The following PAX7 variants were observed in gnomAD, a reference collection of about 807,000 sequenced individuals.
PAX7 encodes the protein paired box 7, also known as paired box protein Pax-7.
A neutral mutation model predicts 50.7 loss-of-function variants in PAX7; 18 were observed. That is an observed-to-expected ratio of 0.36 (90% CI 0.25 to 0.53). PAX7 has a LOEUF of 0.53. Among genes scored for constraint, PAX7 ranks in the 20% least tolerant of loss-of-function variants. The probability of loss-of-function intolerance (pLI) is 0.93; values close to 1 mark genes in which losing one functional copy is unlikely to be tolerated. For missense variants in PAX7, 644 were observed against 702.9 expected (o/e 0.92, Z 0.95); for synonymous variants, 310 against 290.4 (o/e 1.07, Z -0.69).
At position 18,700,807 on chromosome 1, in the gene PAX7, C is replaced by CCAT. The variant is rs1296817667; in HGVS notation, c.943_945dup (p.Ile315dup). 5 of 1,538,508 alleles carry CCAT rather than the reference C, an allele frequency of 3.2e-6. No individual in the cohort carries two copies. Among genetic ancestry groups the CCAT allele is most frequent in the Non-Finnish European group, 4.4e-6 (5 of 1,140,922 alleles). On this transcript the variant is annotated inframe_insertion, in exon 6 of 9. Transcript: ENST00000420770. This position sits in a 1 kb window ranked among gnomAD's most constrained non-coding sequence, Gnocchi z 4.8. The stretch of plus-strand genomic sequence containing the variant: ...CCGGACTCCACCTACCCCACCACCA[C>CCAT]CATCTCCCAAGGTGAGTGTCTTGGC...
intron 4 of PAX7, among the ~76,000 whole-genome samples, chr1:18,643,569 C>T (rs540236143): frequency 1.4e-4 from 21 of 152,118 alleles, no homozygotes; most frequent in Non-Finnish European, 2.9e-4. Context: ...CTGGGACAGG[C>T]GGATCAGGAG....
At position 18,744,830 on chromosome 1, in the gene PAX7, G is replaced by T. The variant is rs1446205100; in HGVS notation, c.1419G>T (p.Leu473=). 7 of 1,553,870 alleles carry T rather than the reference G, an allele frequency of 4.5e-6. No homozygotes were observed. In the Admixed American group the frequency reaches 9.7e-5, roughly 22 times the overall value. ...GQYGQTAVDY[L]AKNVSLSTQR... is the part of the protein sequence containing the mutation. ...TTTTTCCAGCTGCTGTTGATTATCT[G>T]GCCAAAAATGTGAGCCTCTCCACCC... Residue 473 remains leucine, a synonymous_variant, in exon 9 of 9, where the codon CTG becomes CTT. Transcript: ENST00000420770.
intron 7 of PAX7, among the ~76,000 whole-genome samples, chr1:18,704,315 G>A (rs1038798346): frequency 6.6e-6 from 1 of 152,196 alleles, no homozygotes; most frequent in Non-Finnish European, 1.5e-5. Context: ...GCAGAATTGA[G>A]TAGTTTTAAA....
At chr1:18,677,006 ACAGC>A (rs551458774) in intron 4 of PAX7, among the ~76,000 whole-genome samples, 223 of 152,282 alleles carry the variant, frequency 1.5e-3, no homozygotes, top group African/African-American at 5.2e-3. Context: ...CCTCGTCTTT[ACAGC>A]CAGCCCACGG....
At chr1:18,671,525 G>A (rs561025256) in intron 4 of PAX7, among the ~76,000 whole-genome samples, 1 of 152,312 alleles carries the variant, frequency 6.6e-6, no homozygotes, top group African/African-American at 2.4e-5. Context: ...GGTGGGAGGA[G>A]GGTGTGATGG....
At position 18,634,375 on chromosome 1, in the gene PAX7, A is replaced by G. The variant is rs1347061851; in HGVS notation, c.158A>G (p.Asn53Ser). The change falls in exon 2 of 9, where the codon AAC becomes AGC. Residue 53 changes from asparagine to serine, a missense_variant. By Grantham distance (46) the Asn-to-Ser change is conservative. Transcript: ENST00000420770. The surrounding 1 kb of genome is among the most constrained non-coding windows in gnomAD (Gnocchi z 4.0). ...TTCATCAATGGGCGACCCCTGCCTA[A>G]CCACATCCGCCACAAGATAGTGGAG... Reference protein sequence around the residue: ...GVFINGRPLPNHIRHKIVEMA... With the variant: ...GVFINGRPLPSHIRHKIVEMA... The G allele has an allele frequency of 5.0e-6, 8 of 1,614,064 alleles. No individual in the cohort carries two copies. Among genetic ancestry groups the G allele is most frequent in the Non-Finnish European group, 6.8e-6 (8 of 1,180,028 alleles).
intron 3 of PAX7, 148 bp downstream of exon 3, chr1:18,635,388 G>A: frequency 1.2e-6 from 1 of 818,696 alleles, no homozygotes; most frequent in Non-Finnish European, 1.8e-6. Flanking sequence ...CAGAAAGGCA[G>A]AGTTAAGGCA....
rs57227966 is a variant in PAX7 at position 18,744,862 on chromosome 1, G to C, written c.1451G>C (p.Arg484Pro). Residue 484 changes from arginine (R) to proline (P), a missense_variant, in exon 9 of 9, where the codon CGC becomes CCC. By Grantham distance (103) the Arg-to-Pro change is moderately radical. Transcript: ENST00000420770. Reference sequence around the variant, plus strand: ...AATGTGAGCCTCTCCACCCAGCGTCGCATGAAGCTCGGGGAGCACTCTGCT... The same window carrying C: ...AATGTGAGCCTCTCCACCCAGCGTCCCATGAAGCTCGGGGAGCACTCTGCT... ...AKNVSLSTQR[R>P]MKLGEHSAVL... The C allele has an allele frequency of 1.9e-6, 3 of 1,558,472 alleles. No homozygotes were observed. The highest frequency in any genetic ancestry group is 2.6e-6 in the Non-Finnish European group (3 of 1,150,850).
rs991017117 is a variant in PAX7, at chr1:18,690,385, C to T, written c.587-1369C>T. On this transcript the variant is annotated intron_variant, in intron 4 of 8. Coordinates refer to ENST00000420770, the MANE Select transcript of PAX7 (RefSeq NM_001135254.2). ...TCTGCTTCCTCTTCTCTATGCTTCC[C>T]GCAGCTCCCCAGGGGCTGCTGAGGG... 2.6e-5 allele frequency among the ~76,000 whole-genome samples: 4 copies of T among 152,228 alleles called. No individual in the cohort carries two copies. In the South Asian group the frequency reaches 6.2e-4, roughly 24 times the overall value.
At chr1:18,695,231 A>C (rs1570182705) in intron 5 of PAX7, among the ~76,000 whole-genome samples, 1 of 151,692 alleles carries the variant, frequency 6.6e-6, no homozygotes, top group East Asian at 1.9e-4. Flanking sequence ...AAAAAAAAAG[A>C]GGAAGTACCT....
chr1:18,659,088 GTGTGTGACA>G (rs2088564558), intron 4 of PAX7, among the ~76,000 whole-genome samples: 1 of 150,440 alleles, frequency 6.6e-6, no homozygotes, highest in Non-Finnish European at 1.5e-5. Flanking sequence ...ACATAAGCAT[GTGTGTGACA>G]TGTGTGTGTA....
At chr1:18,731,567 A>G (rs2089647631) in intron 7 of PAX7, among the ~76,000 whole-genome samples, 1 of 152,054 alleles carries the variant, frequency 6.6e-6, no homozygotes. Flanking sequence ...TATATGACTC[A>G]GGCCTTGTGG....
At position 18,740,158 on chromosome 1, in the gene PAX7, C is replaced by T. The variant is rs958475098; in HGVS notation, c.1402+4280C>T. Among the ~76,000 whole-genome samples the T allele has an allele frequency of 3.7e-4, 56 of 152,156 alleles. 1 individual carries two copies. Among genetic ancestry groups the T allele is most frequent in the Non-Finnish European group, 6.8e-4 (46 of 68,016 alleles). ...ACAGAGGGACAGGGAGGGCCGTTGA[C>T]GGAGGCCATAATAAGAGATGTCACA... On this transcript the variant is annotated intron_variant, in intron 8 of 8. Transcript: ENST00000420770.
In PAX7 at chr1:18,735,655, C is replaced by T. The variant is rs1446445174; in HGVS notation, c.1179C>T (p.Pro393=). 2 of 1,613,718 alleles carry T rather than the reference C, an allele frequency of 1.2e-6. No homozygotes were observed. The highest frequency in any genetic ancestry group is 2.7e-5 in the African/African-American group (2 of 75,056). Residue 393 remains proline, a synonymous_variant, in exon 8 of 9, where the codon CCC becomes CCT. Coordinates refer to ENST00000420770, the MANE Select transcript of PAX7 (RefSeq NM_001135254.2). The surrounding 1 kb of genome is among the most constrained non-coding windows in gnomAD (Gnocchi z 4.0). ...SPQVMSILGN[P]SAVPPQPQAD... is the part of the protein sequence containing the mutation. ...AGGTGATGAGCATCTTGGGCAACCC[C>T]AGTGCGGTGCCCCCGCAGCCACAGG...
chr1:18,675,981 G>T (rs530968485), intron 4 of PAX7, among the ~76,000 whole-genome samples: 4 of 152,268 alleles, frequency 2.6e-5, no homozygotes, highest in East Asian at 3.9e-4. Context: ...GCCGGGGTCC[G>T]CTCAGGACCA....
intron 7 of PAX7, among the ~76,000 whole-genome samples, chr1:18,708,070 G>A (rs1476346868): frequency 3.3e-5 from 5 of 152,140 alleles, no homozygotes; most frequent in African/African-American, 1.2e-4. Flanking sequence ...TAGGCACTCA[G>A]CACATGCATG....
chr1:18,748,264 A>G lies in PAX7; in HGVS notation c.*3335A>G, dbSNP rs1435741106. On this transcript the variant is annotated 3_prime_UTR_variant, in exon 9 of 9. Transcript: ENST00000420770. Reference sequence around the variant, plus strand: ...CAGTGTTTCAAGATGGAGTTGGTGAAGCATCCAAGATTTTGGATCCTGGGC... The same window carrying G: ...CAGTGTTTCAAGATGGAGTTGGTGAGGCATCCAAGATTTTGGATCCTGGGC... 1.3e-5 allele frequency: 3 copies of G among 227,478 alleles called. No individual in the cohort carries two copies. The highest frequency in any genetic ancestry group is 2.6e-5 in the Non-Finnish European group (3 of 114,540). 14.1% of individuals were successfully genotyped at this position (227,478 alleles called of 1,614,324 possible).
Position 18,632,492 on chromosome 1 carries a change from G to A in PAX7, c.85+804G>A, listed in dbSNP as rs1444217619. 6.6e-6 allele frequency among the ~76,000 whole-genome samples: 1 copy of A among 152,164 alleles called. No individual in the cohort carries two copies. The highest frequency in any genetic ancestry group is 2.4e-5 in the African/African-American group (1 of 41,428). ...CGGGTCCTGGCTGGAGAAAAGGCTG[G>A]GAGCGCACAGCGGAGAGACCCGCTC... On this transcript the variant is annotated intron_variant, in intron 1 of 8. Coordinates refer to ENST00000420770, the MANE Select transcript of PAX7 (RefSeq NM_001135254.2). This position sits in a 1 kb window ranked among gnomAD's most constrained non-coding sequence, Gnocchi z 6.3.
At chr1:18,689,358 C>T (rs772051539) in intron 4 of PAX7, among the ~76,000 whole-genome samples, 2 of 152,270 alleles carry the variant, frequency 1.3e-5, no homozygotes, top group African/African-American at 2.4e-5. Flanking sequence ...GGCAGCTGTG[C>T]CCACTGTGGT....
Sources: allele counts gnomAD v4.1 joint callset (sites outside exome capture counted in the v4.1 genomes callset), GRCh38; gene constraint gnomAD v4.1.1; non-coding constraint Gnocchi (gnomAD v3.1); transcripts MANE v1.5; gene names NCBI Gene and HGNC (gene_info 2026-07-23, HGNC 2026-07-21).